SMAD2: variants seen among roughly 807,000 people sequenced by gnomAD.
The protein encoded by SMAD2 is MAD homolog 2.
Under a neutral mutation model 64.4 loss-of-function variants are expected in SMAD2, and 8 were observed. The observed-to-expected ratio is 0.12, with a 90% confidence interval of 0.07 to 0.22. SMAD2 has a LOEUF of 0.22. Ranked by LOEUF, SMAD2 falls within the 10% of genes least tolerant of loss-of-function variation. The pLI is 1.00. For missense variants in SMAD2, 289 were observed against 561.2 expected (o/e 0.51, Z 4.90); for synonymous variants, 203 against 195.8 (o/e 1.04, Z -0.31).
chr18:47,928,629 T>C (rs1347529066), intron 1 of SMAD2, among the ~76,000 whole-genome samples: 1 of 152,348 alleles, frequency 6.6e-6, no homozygotes, highest in East Asian at 1.9e-4. Context: ...AAGACTATTA[T>C]TTCATGAAAC....
At chr18:47,857,908 T>A (rs542715328) in intron 6 of SMAD2, among the ~76,000 whole-genome samples, 7 of 152,162 alleles carry the variant, frequency 4.6e-5, no homozygotes, top group Admixed American at 3.9e-4. Flanking sequence ...CATATTTGTA[T>A]CTGAAAGTTC....
chr18:47,909,068 T>TAAA (rs74172082), intron 1 of SMAD2, among the ~76,000 whole-genome samples: 1 of 136,986 alleles, frequency 7.3e-6, no homozygotes, highest in Admixed American at 7.1e-5. Context: ...GAACTACAGC[T>TAAA]AAAAAAAAAA....
In SMAD2 at chr18:47,839,710, G is replaced by C. The variant is rs1810427577; in HGVS notation, c.*2117C>G. The C allele has an allele frequency of 8.6e-6, 2 of 233,262 alleles. No individual in the cohort carries two copies. Among genetic ancestry groups the C allele is most frequent in the Non-Finnish European group, 1.7e-5 (2 of 118,056 alleles). 14.4% of individuals were successfully genotyped at this position (233,262 alleles called of 1,614,324 possible). On this transcript the variant is annotated 3_prime_UTR_variant, in exon 11 of 11. Transcript: ENST00000262160. ...CATTCTGATCTTCAAGTTTGGATTT[G>C]TATAGAGGTTTCTGTATAAAGCATT...
chr18:47,916,234 TG>T lies in SMAD2; in HGVS notation c.-54+14126del, dbSNP rs1187393298. On this transcript the variant is annotated intron_variant, in intron 1 of 10. Coordinates refer to ENST00000262160, the MANE Select transcript of SMAD2 (RefSeq NM_005901.6). ...ATATCCCCTTCTCACACTATCTGGT[TG>T]GGGTATCAAGATTATAGTAGCCTTG... Among the ~76,000 whole-genome samples, 7 of 152,152 alleles carry T rather than the reference TG, an allele frequency of 4.6e-5. No individual in the cohort carries two copies. The East Asian group carries it at 7.7e-4, about 17-fold the overall frequency.
intron 1 of SMAD2, among the ~76,000 whole-genome samples, chr18:47,929,285 A>C (rs2034901089): frequency 6.6e-6 from 1 of 152,204 alleles, no homozygotes; most frequent in South Asian, 2.1e-4. Context: ...TTTTCAGCAT[A>C]ATAAGAGCAA....
rs912484583 is a variant in SMAD2 at position 47,835,524 on chromosome 18, A to C, written c.*6303T>G. ...TTAGGGACTTACTGAGAAAAGAAAA[A>C]ACTTACTGGGAGAACAGAGACTTAG... On this transcript the variant is annotated 3_prime_UTR_variant, in exon 11 of 11. Transcript: ENST00000262160. The C allele has an allele frequency of 5.7e-5, 11 of 194,350 alleles. No individual in the cohort carries two copies. The allele number at this position is 194,350 out of a possible 1,614,324, so 12.0% of individuals were successfully genotyped here.
chr18:47,897,229 C>G (rs1450373229), intron 1 of SMAD2, among the ~76,000 whole-genome samples: 3 of 152,106 alleles, frequency 2.0e-5, no homozygotes, highest in Non-Finnish European at 4.4e-5. Context: ...GGGTTTTAAA[C>G]TTTCATAACT....
At position 47,868,409 on chromosome 18, in the gene SMAD2, A is replaced by G; in HGVS notation, c.569T>C (p.Leu190Pro). 6.2e-7 allele frequency: 1 copy of G among 1,611,256 alleles called. No individual in the cohort carries two copies. Among genetic ancestry groups the G allele is most frequent in the Non-Finnish European group, 8.5e-7 (1 of 1,177,598 alleles). Reference protein sequence around the residue: ...VPRHTEILTELPPLDDYTHSI... With the variant: ...VPRHTEILTEPPPLDDYTHSI... ...GTGAGTATAGTCATCCAGAGGCGGA[A>G]GTTCTGTTAGGATCTCGGTGTGTCG... Residue 190 changes from leucine (L) to proline (P), a missense_variant, in exon 5 of 11, where the codon CTT becomes CCT. Leu to Pro is a moderately conservative substitution (Grantham distance 98). This residue lies in a region of SMAD2 where 119 missense variants were observed against 156.7 expected (regional missense o/e 0.76). Transcript: ENST00000262160.
At chr18:47,886,915 A>C (rs1257229454) in intron 2 of SMAD2, 2 of 141,174 alleles carry the variant, frequency 1.4e-5, no homozygotes, top group Non-Finnish European at 3.0e-5. Flanking sequence ...CAGTATCATG[A>C]TTATATGCAA....
chr18:47,869,414 C>A lies in SMAD2; in HGVS notation c.349G>T (p.Val117Leu), dbSNP rs2144379583. 6.2e-7 allele frequency: 1 copy of A among 1,609,602 alleles called. No homozygotes were observed. Among genetic ancestry groups the A allele is most frequent in the South Asian group, 1.1e-5 (1 of 90,906 alleles). The change falls in exon 4 of 11, where the codon GTA becomes TTA. Residue 117 changes from valine to leucine, a missense_variant. This residue lies in a region of SMAD2 where 89 missense variants were observed against 137.1 expected (regional missense o/e 0.65). Transcript: ENST00000262160. ...TGTGGCAATCCTTTTCGATGGGATA[C>A]CTGGAGACGACCATCAAGAGACCTG... ...QTRSLDGRLQVSHRKGLPHVI... is the reference protein window; with the variant it reads ...QTRSLDGRLQLSHRKGLPHVI...
chr18:47,869,089 TA>T (rs1398160067), intron 4 of SMAD2, among the ~76,000 whole-genome samples, 153 bp downstream of exon 4: 14 of 152,238 alleles, frequency 9.2e-5, no homozygotes, highest in African/African-American at 3.1e-4. Flanking sequence ...TTTTTAAAAA[TA>T]AAAAAATTTT....
chr18:47,882,041 C>CCTT (rs2032624892), intron 2 of SMAD2, among the ~76,000 whole-genome samples: 1 of 38,850 alleles, frequency 2.6e-5, no homozygotes, highest in Non-Finnish European at 4.8e-5. Context: ...CCACGCTTGG[C>CCTT]TTTTTTTTTT....
chr18:47,836,074 G>C lies in SMAD2; in HGVS notation c.*5753C>G, dbSNP rs1008964466. The C allele has an allele frequency of 4.6e-6, 1 of 215,348 alleles. No homozygotes were observed. The highest frequency in any genetic ancestry group is 2.3e-5 in the African/African-American group (1 of 44,300). The allele number at this position is 215,348 out of a possible 1,614,324, so 13.3% of individuals were successfully genotyped here. A position where few individuals can be genotyped will look rare whatever the true frequency, so the allele number is the denominator to read the frequency against. ...CCAAACCAACTGGCACTGAAGTTAA[G>C]TTAATATACTCCAGCGAGATCACCT... is the stretch of plus-strand genomic sequence containing the variant. On this transcript the variant is annotated 3_prime_UTR_variant, in exon 11 of 11. Coordinates refer to ENST00000262160, the MANE Select transcript of SMAD2 (RefSeq NM_005901.6).
In SMAD2 at chr18:47,835,998, CTT is replaced by C. The variant is rs1355493603; in HGVS notation, c.*5827_*5828del. On this transcript the variant is annotated 3_prime_UTR_variant, in exon 11 of 11. Coordinates refer to ENST00000262160, the MANE Select transcript of SMAD2 (RefSeq NM_005901.6). The stretch of plus-strand genomic sequence containing the variant: ...AGTGGCATTATTCTTCCAAGGGACT[CTT>C]ATATCTAAGCAATGGTGAAGTTCTG... The C allele has an allele frequency of 4.7e-6, 1 of 211,742 alleles. No homozygotes were observed. The highest frequency in any genetic ancestry group is 5.9e-5 in the Admixed American group (1 of 17,060). The allele number at this position is 211,742 out of a possible 1,614,324, so 13.1% of individuals were successfully genotyped here.
intron 1 of SMAD2, among the ~76,000 whole-genome samples, chr18:47,927,208 C>A (rs1171006697): frequency 2.0e-5 from 3 of 152,180 alleles, no homozygotes. Context: ...TACATCTGTT[C>A]AGCAATAAAC....
At chr18:47,914,147 A>G (rs369243800) in intron 1 of SMAD2, among the ~76,000 whole-genome samples, 5 of 152,308 alleles carry the variant, frequency 3.3e-5, no homozygotes, top group African/African-American at 1.2e-4. Flanking sequence ...GTCCTCAACT[A>G]TGTGGTCCTT....
intron 1 of SMAD2, among the ~76,000 whole-genome samples, chr18:47,903,560 T>C (rs944592505): frequency 6.6e-6 from 1 of 152,164 alleles, no homozygotes; most frequent in South Asian, 2.1e-4. Context: ...CCATTGTTTT[T>C]ATACAAATGT....
At chr18:47,914,640 A>G (rs929495677) in intron 1 of SMAD2, among the ~76,000 whole-genome samples, 12 of 151,144 alleles carry the variant, frequency 7.9e-5, no homozygotes, top group African/African-American at 2.9e-4. Context: ...TTGCTAAGTC[A>G]TAATGCCACT....
chr18:47,885,199 C>A (rs2032835418), intron 2 of SMAD2, among the ~76,000 whole-genome samples: 1 of 148,422 alleles, frequency 6.7e-6, no homozygotes. Flanking sequence ...CCTCCCCCCC[C>A]AAGACAGTCT....
Sources: gnomAD v4.1 joint callset for allele counts (sites outside exome capture counted in the v4.1 genomes callset) on GRCh38, gnomAD v4.1.1 for gene constraint, gnomAD v4.1.1 regional missense constraint, MANE v1.5 for transcripts, NCBI Gene and HGNC (gene_info 2026-07-23, HGNC 2026-07-21) for gene names.